STPG2: variants seen among roughly 807,000 people sequenced by gnomAD.
The protein encoded by STPG2 is sperm-tail PG-rich repeat-containing protein 2.
STPG2 carries 56 observed loss-of-function variants against 54.2 expected under a neutral mutation model. The observed-to-expected ratio is 1.03, with a 90% CI of 0.83 to 1.29. The LOEUF (loss-of-function observed/expected upper bound fraction) is 1.29, where lower values mean the gene tolerates loss of function less well. Among genes scored for constraint, STPG2 ranks in the 50% most tolerant of loss-of-function variants. The probability of loss-of-function intolerance (pLI) is 0.00; values close to 1 mark genes in which losing one functional copy is unlikely to be tolerated. For synonymous variants in STPG2, 200 were observed against 181.8 expected (o/e 1.10, Z -0.81); for missense variants, 596 against 544.9 (o/e 1.09, Z -0.93).
At chr4:97,918,438 C>T (rs1353137939) in intron 8 of STPG2, among the ~76,000 whole-genome samples, 3 of 152,108 alleles carry the variant, frequency 2.0e-5, no homozygotes, top group African/African-American at 4.8e-5. Flanking sequence ...TGGGTCATTA[C>T]TTTCACACAC....
At chr4:97,859,422 A>G (rs1406640360) in intron 8 of STPG2, among the ~76,000 whole-genome samples, 1 of 147,264 alleles carries the variant, frequency 6.8e-6, no homozygotes, top group Non-Finnish European at 1.5e-5. Context: ...GGGTTCATCT[A>G]TTTATTTTGT....
chr4:97,916,758 G>C (rs182098310), intron 8 of STPG2: 1 of 153,070 alleles, frequency 6.5e-6, no homozygotes, highest in East Asian at 1.9e-4. Flanking sequence ...TCTGACTATA[G>C]TTCACGCTGA....
intron 8 of STPG2, among the ~76,000 whole-genome samples, chr4:97,883,317 G>A (rs1018896487): frequency 2.0e-5 from 3 of 151,836 alleles, no homozygotes; most frequent in Admixed American, 6.6e-5. Flanking sequence ...GAGCCTGAGA[G>A]ATCAAGGCTG....
intron 8 of STPG2, among the ~76,000 whole-genome samples, chr4:97,843,760 T>A (rs1437775048): frequency 6.6e-6 from 1 of 151,934 alleles, no homozygotes; most frequent in Non-Finnish European, 1.5e-5. Context: ...TGTTTGTATT[T>A]TGGCAAAACC....
At chr4:97,972,521 G>A (rs760821066) in intron 6 of STPG2, 81 bp from the exon 7 acceptor site, 1 of 821,468 alleles carries the variant, frequency 1.2e-6, no homozygotes, top group Non-Finnish European at 1.7e-6. Context: ...TTTAATTAAG[G>A]GTTTTTTTCT....
chr4:97,523,094 T>C (rs775399937), intron 4 of STPG2, among the ~76,000 whole-genome samples: 3 of 152,010 alleles, frequency 2.0e-5, no homozygotes, highest in Non-Finnish European at 2.9e-5. Flanking sequence ...CTTTAATATA[T>C]TGCAAAGCAT....
intron 9 of STPG2, among the ~76,000 whole-genome samples, chr4:97,771,686 A>T (rs183015557): frequency 6.6e-6 from 1 of 152,226 alleles, no homozygotes; most frequent in East Asian, 1.9e-4. Flanking sequence ...ATGCAGAGGG[A>T]ATGGGGAGCT....
intron 5 of STPG2, chr4:98,026,231 C>T (rs1736415956): frequency 9.5e-6 from 10 of 1,054,578 alleles, no homozygotes; most frequent in South Asian, 6.5e-5. Flanking sequence ...GAAAGCAAGC[C>T]CCCTCAAGAG....
chr4:97,442,940 A>G (rs1385248837), intron 4 of STPG2, among the ~76,000 whole-genome samples: 1 of 152,160 alleles, frequency 6.6e-6, no homozygotes, highest in Non-Finnish European at 1.5e-5. Flanking sequence ...GTAACTATTC[A>G]TTGAAGGTAT....
chr4:97,826,268 T>A (rs976351850), intron 9 of STPG2, among the ~76,000 whole-genome samples: 6 of 152,334 alleles, frequency 3.9e-5, no homozygotes, highest in African/African-American at 1.4e-4. Flanking sequence ...GTACTTTTGG[T>A]AAAAGATTAT....
At chr4:97,734,794 C>T (rs10010088) in intron 9 of STPG2, among the ~76,000 whole-genome samples, 36,646 of 151,766 alleles carry the variant, frequency 0.24, 5,151 homozygotes, top group Middle Eastern at 0.35. Context: ...TCTGCACGGC[C>T]GGGGGCGGTG....
At position 97,896,841 on chromosome 4, in the gene STPG2, C is replaced by T. The variant is rs904851891; in HGVS notation, c.1044+47056G>A. On this transcript the variant is annotated intron_variant, in intron 8 of 10. Transcript: ENST00000295268. ...ACAATGAAAGAAAAATTCACTAAAA[C>T]ATTAACAGTTGCTACTATTAGTTGG... Among the ~76,000 whole-genome samples, 14 of 151,810 alleles carry T rather than the reference C, an allele frequency of 9.2e-5. No homozygotes were observed. In the South Asian group the frequency reaches 1.5e-3, roughly 16 times the overall value.
intron 5 of STPG2, among the ~76,000 whole-genome samples, chr4:98,093,703 T>C (rs149547666): frequency 6.6e-6 from 1 of 152,328 alleles, no homozygotes; most frequent in Non-Finnish European, 1.5e-5. Context: ...ATCCCCCAAC[T>C]GTAGCCATGC....
chr4:97,974,455 G>C (rs574221577), intron 6 of STPG2, among the ~76,000 whole-genome samples: 69 of 152,328 alleles, frequency 4.5e-4, no homozygotes, highest in African/African-American at 1.3e-3. Context: ...GTGAGGACGT[G>C]AGATTTGGGA....
chr4:97,766,371 G>T (rs757427369), intron 9 of STPG2, among the ~76,000 whole-genome samples: 74 of 151,998 alleles, frequency 4.9e-4, no homozygotes, highest in Middle Eastern at 6.8e-3. Context: ...TATTCCCAAA[G>T]ATTTAAACAT....
intron 6 of STPG2, among the ~76,000 whole-genome samples, chr4:97,980,462 T>C (rs1390663628): frequency 6.6e-6 from 1 of 152,176 alleles, no homozygotes; most frequent in Non-Finnish European, 1.5e-5. Context: ...CTGGGAGTTC[T>C]GTGGCTGGGT....
At chr4:97,993,712 T>C (rs1409152054) in intron 5 of STPG2, among the ~76,000 whole-genome samples, 1 of 152,090 alleles carries the variant, frequency 6.6e-6, no homozygotes, top group Non-Finnish European at 1.5e-5. Flanking sequence ...ATCCATCTGG[T>C]CTTGGACTTT....
At chr4:98,083,952 C>T (rs544765460) in intron 5 of STPG2, among the ~76,000 whole-genome samples, 2 of 152,188 alleles carry the variant, frequency 1.3e-5, no homozygotes, top group East Asian at 3.9e-4. Flanking sequence ...TTGGGTGGCT[C>T]GAGCAATCCT....
chr4:97,554,927 G>C (rs1163856340), downstream of STPG2, among the ~76,000 whole-genome samples: 1 of 152,090 alleles, frequency 6.6e-6, no homozygotes, highest in Non-Finnish European at 1.5e-5. Flanking sequence ...TATGGAATAA[G>C]AATTATTTTG....
Sources: gnomAD v4.1 joint callset for allele counts (sites outside exome capture counted in the v4.1 genomes callset) on GRCh38, gnomAD v4.1.1 for gene constraint, MANE v1.5 for transcripts, NCBI Gene and HGNC (gene_info 2026-07-23, HGNC 2026-07-21) for gene names.